Variants in TTBK2 observed in about 807,000 individuals in gnomAD.
TTBK2 encodes the protein tau tubulin kinase 2.
In TTBK2, 28 loss-of-function variants were observed where a neutral mutation model predicts 110.8. The ratio of observed to expected loss-of-function variants is 0.25; its 90% CI spans 0.19 to 0.35. The LOEUF is 0.35. Ranked by LOEUF, TTBK2 falls within the 10% of genes least tolerant of loss-of-function variation. TTBK2 has a pLI of 1.00. For synonymous variants in TTBK2, 532 were observed against 527.3 expected, an observed-to-expected ratio of 1.01 and a Z score of -0.12; for missense variants, 1,369 against 1,500.3, an observed-to-expected ratio of 0.91 and a Z score of 1.45.
intron 10 of TTBK2, among the ~76,000 whole-genome samples, chr15:42,792,757 AT>A (rs1890750278): frequency 3.3e-5 from 5 of 152,106 alleles, no homozygotes; most frequent in African/African-American, 1.2e-4. Context: ...TTGTGGTCTC[AT>A]TTTTTTCTCT....
chr15:42,894,581 A>G (rs569111253), intron 1 of TTBK2, among the ~76,000 whole-genome samples: 4 of 152,000 alleles, frequency 2.6e-5, no homozygotes, highest in Admixed American at 6.6e-5. Context: ...GTGAAACCCT[A>G]TCTCTACAAA....
intron 13 of TTBK2, among the ~76,000 whole-genome samples, chr15:42,766,952 T>C (rs1889409120): frequency 6.6e-6 from 1 of 152,246 alleles, no homozygotes; most frequent in African/African-American, 2.4e-5. Flanking sequence ...CACAGTGCAA[T>C]CAAATTAGAA....
chr15:42,776,079 G>A (rs775483126), intron 12 of TTBK2, among the ~76,000 whole-genome samples: 21 of 152,202 alleles, frequency 1.4e-4, no homozygotes, highest in African/African-American at 1.9e-4. Context: ...TCGTGTGAGC[G>A]TGTAGACATG....
chr15:42,905,532 C>T lies in TTBK2; in HGVS notation c.-68+14906G>A, dbSNP rs149846697. 7.9e-4 allele frequency among the ~76,000 whole-genome samples: 121 copies of T among 152,316 alleles called. 2 individuals are homozygous for T. In the East Asian group the frequency reaches 0.022, roughly 28 times the overall value. ...TCGGCTTCCCAAAGTGCTGGGGTTA[C>T]AGGCATGAGCCACCATGCCCAGCCA... is the stretch of plus-strand genomic sequence containing the variant. On this transcript the variant is annotated intron_variant, in intron 1 of 14. Transcript: ENST00000267890.
In TTBK2 at chr15:42,775,685, T is replaced by C. The variant is rs757048974; in HGVS notation, c.1448A>G (p.Glu483Gly). ...KMQKDTSAGKESILPALLHKP... is the reference protein window; with the variant it reads ...KMQKDTSAGKGSILPALLHKP... ...ATGCAGCAGAGCAGGGAGAATAGAT[T>C]CTTTTCCTGCACTGGTATCTTTCTG... is the stretch of plus-strand genomic sequence containing the variant. The change falls in exon 13 of 15, where the codon GAA becomes GGA. Residue 483 changes from glutamate (E) to glycine (G), a missense_variant. Glu to Gly is a moderately conservative substitution (Grantham distance 98, BLOSUM62 -2). This residue lies in a region of TTBK2 where 1,097 missense variants were observed against 1,114.7 expected (regional missense o/e 0.98). Coordinates refer to ENST00000267890, the MANE Select transcript of TTBK2 (RefSeq NM_173500.4). 1 of 1,613,332 alleles carries C rather than the reference T, an allele frequency of 6.2e-7. No individual in the cohort carries two copies. Among genetic ancestry groups the C allele is most frequent in the South Asian group, 1.1e-5 (1 of 90,964 alleles).
At chr15:42,867,723 A>G (rs1346827554) in intron 3 of TTBK2, among the ~76,000 whole-genome samples, 1 of 152,234 alleles carries the variant, frequency 6.6e-6, no homozygotes, top group Non-Finnish European at 1.5e-5. Flanking sequence ...ACTCTCATTC[A>G]TGAGCTGATG....
chr15:42,752,902 T>C lies in TTBK2; in HGVS notation c.2344A>G (p.Ile782Val), dbSNP rs749726502. The C allele has an allele frequency of 6.2e-5, 100 of 1,614,092 alleles. No individual in the cohort carries two copies. The highest frequency in any genetic ancestry group is 8.1e-5 in the Non-Finnish European group (95 of 1,180,040). Residue 782 changes from isoleucine to valine, a missense_variant, in exon 14 of 15, where the codon ATC becomes GTC. Ile to Val is a conservative substitution (Grantham distance 29). Transcript: ENST00000267890. ...NLPGETEEKS[I>V]LLESDNEDEK... The stretch of plus-strand genomic sequence containing the variant: ...TCTTCATTATCTGACTCTAAAAGGA[T>C]GCTTTTCTCTTCAGTTTCCCCAGGG...
intron 3 of TTBK2, among the ~76,000 whole-genome samples, chr15:42,852,839 G>T (rs1000107632): frequency 6.6e-6 from 1 of 152,148 alleles, no homozygotes; most frequent in Non-Finnish European, 1.5e-5. Context: ...GTTACTTTAG[G>T]AGAAGAAAAA....
intron 4 of TTBK2, among the ~76,000 whole-genome samples, chr15:42,834,610 G>A (rs569353985): frequency 2.0e-5 from 3 of 152,208 alleles, no homozygotes; most frequent in African/African-American, 4.8e-5. Flanking sequence ...AGCAAAAGAT[G>A]AGACAATTTG....
At chr15:42,842,607 C>T (rs546304496) in intron 3 of TTBK2, among the ~76,000 whole-genome samples, 9 of 152,058 alleles carry the variant, frequency 5.9e-5, no homozygotes, top group East Asian at 1.9e-4. Context: ...CTCAGCAAAG[C>T]CAGGTGCAGT....
intron 14 of TTBK2, among the ~76,000 whole-genome samples, chr15:42,748,086 A>G (rs1057280438): frequency 1.3e-5 from 2 of 152,230 alleles, no homozygotes; most frequent in African/African-American, 2.4e-5. Context: ...CTATCAAACC[A>G]AAGGCACTAC....
intron 10 of TTBK2, among the ~76,000 whole-genome samples, chr15:42,787,299 TC>T (rs757257944): frequency 6.6e-6 from 1 of 152,202 alleles, no homozygotes; most frequent in Non-Finnish European, 1.5e-5. Flanking sequence ...ATTTAAAGCG[TC>T]CTCTTACCTT....
intron 7 of TTBK2, among the ~76,000 whole-genome samples, chr15:42,815,510 G>C (rs1891900929): frequency 6.6e-6 from 1 of 151,948 alleles, no homozygotes; most frequent in Admixed American, 6.6e-5. Context: ...AAAGTTAAAG[G>C]ACTGATAATC....
At chr15:42,833,869 G>A (rs185381280) in intron 4 of TTBK2, among the ~76,000 whole-genome samples, 31 of 152,144 alleles carry the variant, frequency 2.0e-4, no homozygotes, top group Non-Finnish European at 2.9e-4. Flanking sequence ...TTAGCTGGGC[G>A]TGTTGGCAGC....
chr15:42,788,031 G>A (rs1268181974), intron 10 of TTBK2, among the ~76,000 whole-genome samples: 1 of 151,990 alleles, frequency 6.6e-6, no homozygotes, highest in Non-Finnish European at 1.5e-5. Context: ...TAACACAATG[G>A]TTAAGTATTT....
intron 9 of TTBK2, among the ~76,000 whole-genome samples, chr15:42,795,972 G>T (rs1048529737): frequency 7.9e-5 from 12 of 152,112 alleles, no homozygotes; most frequent in African/African-American, 2.9e-4. Flanking sequence ...AACCAGCATG[G>T]TAATAGTAAA....
chr15:42,873,713 G>A (rs998838904), intron 2 of TTBK2, among the ~76,000 whole-genome samples: 9 of 152,344 alleles, frequency 5.9e-5, no homozygotes, highest in Admixed American at 2.6e-4. Context: ...GTTCTGAAGA[G>A]TCAGTGGCAA....
intron 1 of TTBK2, among the ~76,000 whole-genome samples, chr15:42,894,918 T>A (rs920070865): frequency 6.6e-6 from 1 of 152,110 alleles, no homozygotes; most frequent in Non-Finnish European, 1.5e-5. Flanking sequence ...TATTCAAAAA[T>A]CAATTCATGC....
chr15:42,770,297 C>T (rs927797166), intron 13 of TTBK2, among the ~76,000 whole-genome samples: 1 of 152,072 alleles, frequency 6.6e-6, no homozygotes, highest in African/African-American at 2.4e-5. Flanking sequence ...ACTTCTACAA[C>T]ACAAAATTTC....
Sources: allele counts gnomAD v4.1 joint callset (sites outside exome capture counted in the v4.1 genomes callset), GRCh38; gene constraint gnomAD v4.1.1; regional missense constraint gnomAD v4.1.1; transcripts MANE v1.5; gene names NCBI Gene and HGNC (gene_info 2026-07-23, HGNC 2026-07-21).